Variants in PEBP4 observed in about 807,000 individuals in gnomAD.
PEBP4 encodes phosphatidylethanolamine binding protein 4, also known as phosphatidylethanolamine-binding protein 4.
In PEBP4, 22 loss-of-function variants were observed where a neutral mutation model predicts 23.9. The observed-to-expected ratio is 0.92, with a 90% CI of 0.66 to 1.31. The LOEUF (loss-of-function observed/expected upper bound fraction) is 1.31. PEBP4 is among the 40% of genes most tolerant of loss of function. The probability of loss-of-function intolerance (pLI) is 0.00; values close to 1 mark genes in which losing one functional copy is unlikely to be tolerated. For synonymous variants in PEBP4, 112 were observed against 99.3 expected, an observed-to-expected ratio of 1.13 and a Z score of -0.76; for missense variants, 324 against 281.7, an observed-to-expected ratio of 1.15 and a Z score of -1.07.
intron 4 of PEBP4, among the ~76,000 whole-genome samples, chr8:22,782,206 A>C (rs1262038184): frequency 6.6e-6 from 1 of 152,130 alleles, no homozygotes; most frequent in Non-Finnish European, 1.5e-5. Flanking sequence ...ATGGGCCCTA[A>C]TACACTCCCC....
At chr8:22,733,716 G>A (rs1343290116) in intron 4 of PEBP4, among the ~76,000 whole-genome samples, 16 of 151,758 alleles carry the variant, frequency 1.1e-4, no homozygotes, top group South Asian at 4.2e-4. Context: ...TCTTCTGCCT[G>A]GGTGCAAACC....
intron 3 of PEBP4, chr8:22,895,597 G>C (rs567985343): frequency 6.7e-6 from 1 of 149,610 alleles, no homozygotes; most frequent in South Asian, 2.1e-4. Context: ...CAAGTTCTTG[G>C]TCATTATCTC....
chr8:22,774,638 G>A (rs543133952), intron 4 of PEBP4, among the ~76,000 whole-genome samples: 8 of 152,310 alleles, frequency 5.3e-5, no homozygotes, highest in African/African-American at 1.9e-4. Context: ...CCCAGCTGAA[G>A]TTGCTGACCC....
chr8:22,901,964 G>C (rs1808720449), intron 3 of PEBP4, among the ~76,000 whole-genome samples: 1 of 152,194 alleles, frequency 6.6e-6, no homozygotes, highest in Admixed American at 6.5e-5. Flanking sequence ...GATGAGCTTA[G>C]AAAGAACAGC....
intron 3 of PEBP4, among the ~76,000 whole-genome samples, chr8:22,899,415 C>T (rs1041321762): frequency 7.9e-5 from 12 of 152,346 alleles, no homozygotes; most frequent in African/African-American, 2.9e-4. Context: ...CATGAGGGAG[C>T]TGAGCCTCCA....
chr8:22,879,213 A>G (rs1585320346), intron 3 of PEBP4: 1 of 152,232 alleles, frequency 6.6e-6, no homozygotes, highest in South Asian at 2.1e-4. Context: ...TGTGGCCTCA[A>G]CGCTCTCAAT....
intron 4 of PEBP4, chr8:22,757,521 T>A (rs1297273927): frequency 6.6e-6 from 1 of 152,172 alleles, no homozygotes; most frequent in Non-Finnish European, 1.5e-5. Context: ...AGGGTGGGGA[T>A]CGTTAACTCT....
intron 2 of PEBP4, among the ~76,000 whole-genome samples, chr8:22,922,850 G>T (rs1053677382): frequency 1.3e-5 from 2 of 152,162 alleles, no homozygotes; most frequent in Admixed American, 1.3e-4. Context: ...GGGATCTCCT[G>T]ATCTCCTTGA....
chr8:22,857,241 TACACACACACACACAC>T (rs35324307), intron 3 of PEBP4, among the ~76,000 whole-genome samples: 141 of 148,124 alleles, frequency 9.5e-4, no homozygotes, highest in African/African-American at 3.4e-3. Flanking sequence ...AAATGAAACC[TACACACACACACACAC>T]ACACACACAC....
intron 2 of PEBP4, among the ~76,000 whole-genome samples, 154 bp downstream of exon 2, chr8:22,927,430 C>G (rs1809365225): frequency 6.6e-6 from 1 of 152,160 alleles, no homozygotes; most frequent in Admixed American, 6.5e-5. Context: ...GTGCCATCCT[C>G]CATCAAGGTG....
At chr8:22,721,031 AG>A (rs1323672504) in intron 6 of PEBP4, among the ~76,000 whole-genome samples, 1 of 152,144 alleles carries the variant, frequency 6.6e-6, no homozygotes, top group Non-Finnish European at 1.5e-5. Context: ...GTGGCACGGC[AG>A]GGTTTCATCA....
chr8:22,754,602 C>T (rs1805337123), intron 4 of PEBP4, among the ~76,000 whole-genome samples: 1 of 152,206 alleles, frequency 6.6e-6, no homozygotes, highest in Non-Finnish European at 1.5e-5. Context: ...AGGAAAGGCT[C>T]ATTCTAGAAA....
chr8:22,815,844 G>T (rs939486454), intron 4 of PEBP4, among the ~76,000 whole-genome samples: 1 of 152,186 alleles, frequency 6.6e-6, no homozygotes, highest in Non-Finnish European at 1.5e-5. Context: ...GGTAAGGGGA[G>T]TGCAGGAGTC....
chr8:22,915,082 C>T (rs1477263086), intron 3 of PEBP4, among the ~76,000 whole-genome samples: 1 of 152,096 alleles, frequency 6.6e-6, no homozygotes, highest in Admixed American at 6.6e-5. Flanking sequence ...CCCAATATCC[C>T]CACAGCCCCC....
intron 3 of PEBP4, among the ~76,000 whole-genome samples, chr8:22,819,101 G>C (rs908233398): frequency 2.0e-5 from 3 of 152,194 alleles, no homozygotes; most frequent in Admixed American, 1.3e-4. Flanking sequence ...AAATTTGGTA[G>C]TCATTGATAT....
chr8:22,820,111 A>T (rs1806826548), intron 3 of PEBP4, among the ~76,000 whole-genome samples: 1 of 152,132 alleles, frequency 6.6e-6, no homozygotes, highest in African/African-American at 2.4e-5. Flanking sequence ...AGATAATTGG[A>T]AGGTGAGATA....
At chr8:22,772,741 T>C (rs1290277973) in intron 4 of PEBP4, among the ~76,000 whole-genome samples, 2 of 152,320 alleles carry the variant, frequency 1.3e-5, no homozygotes, top group East Asian at 1.9e-4. Context: ...CAGGCCCTAC[T>C]GTCTCCTCTA....
chr8:22,771,474 G>A (rs920143299), intron 4 of PEBP4, among the ~76,000 whole-genome samples: 6 of 152,116 alleles, frequency 3.9e-5, no homozygotes, highest in African/African-American at 1.4e-4. Context: ...GGGTGACGGA[G>A]TGAGAGTCCA....
At chr8:22,736,865 TTC>T (rs1336174013) in intron 4 of PEBP4, among the ~76,000 whole-genome samples, 1 of 152,324 alleles carries the variant, frequency 6.6e-6, no homozygotes, top group East Asian at 1.9e-4. Context: ...CCAACTCCTT[TTC>T]TCTTACCTAT....
Sources: allele counts gnomAD v4.1 joint callset (sites outside exome capture counted in the v4.1 genomes callset), GRCh38; gene constraint gnomAD v4.1.1; transcripts MANE v1.5; gene names NCBI Gene and HGNC (gene_info 2026-07-23, HGNC 2026-07-21).